Variants in LRMDA observed in about 807,000 individuals in gnomAD.
The protein encoded by LRMDA is leucine rich melanocyte differentiation associated, also known as leucine-rich melanocyte differentiation-associated protein.
A neutral mutation model predicts 29.8 loss-of-function variants in LRMDA; 18 were observed. The observed-to-expected ratio is 0.60, with a 90% confidence interval of 0.42 to 0.90. The LOEUF (loss-of-function observed/expected upper bound fraction) is 0.90, where lower values mean the gene tolerates loss of function less well. LRMDA is among the 40% of genes least tolerant of loss of function. LRMDA has a pLI of 0.00. For synonymous variants in LRMDA, 125 were observed against 109.4 expected (o/e 1.14, Z -0.89); for missense variants, 273 against 273.9 (o/e 1.00, Z 0.02).
intron 2 of LRMDA, among the ~76,000 whole-genome samples, chr10:75,555,373 A>G (rs927191983): frequency 6.6e-6 from 1 of 152,158 alleles, no homozygotes; most frequent in African/African-American, 2.4e-5. Context: ...TTGGATAACC[A>G]GAGACTAGAG....
intron 5 of LRMDA, among the ~76,000 whole-genome samples, chr10:76,120,831 T>C (rs1032549909): frequency 6.9e-6 from 1 of 145,580 alleles, no homozygotes; most frequent in East Asian, 2.0e-4. Flanking sequence ...GATTGTTCTT[T>C]TTTTTTTTTT....
chr10:75,927,441 C>A (rs565712084), intron 2 of LRMDA, among the ~76,000 whole-genome samples: 32 of 152,274 alleles, frequency 2.1e-4, no homozygotes, highest in Admixed American at 4.6e-4. Flanking sequence ...CAAGACTCTT[C>A]CCTCTTCCTC....
intron 5 of LRMDA, among the ~76,000 whole-genome samples, chr10:76,141,525 A>C (rs568021582): frequency 6.6e-6 from 1 of 152,250 alleles, no homozygotes; most frequent in African/African-American, 2.4e-5. Context: ...TTGTACACCT[A>C]AGTAGGTTAA....
At chr10:75,739,061 G>T (rs1039367819) in intron 2 of LRMDA, among the ~76,000 whole-genome samples, 1 of 152,172 alleles carries the variant, frequency 6.6e-6, no homozygotes, top group African/African-American at 2.4e-5. Flanking sequence ...TGGGCTGTGT[G>T]GCCGCTGCGA....
intron 2 of LRMDA, among the ~76,000 whole-genome samples, chr10:75,746,639 T>A (rs147131614): frequency 4.8e-4 from 73 of 152,328 alleles, no homozygotes; most frequent in Non-Finnish European, 8.2e-4. Context: ...CCACTGTGAA[T>A]ACATTTTATT....
intron 6 of LRMDA, among the ~76,000 whole-genome samples, chr10:76,371,029 A>C (rs144993347): frequency 2.2e-3 from 330 of 152,350 alleles, no homozygotes; most frequent in African/African-American, 7.7e-3. Flanking sequence ...AGCTGAAGCC[A>C]CAATTAATAG....
chr10:76,490,090 T>C (rs1254891389), intron 6 of LRMDA, among the ~76,000 whole-genome samples: 1 of 152,040 alleles, frequency 6.6e-6, no homozygotes, highest in Non-Finnish European at 1.5e-5. Context: ...ATTTCCAGTG[T>C]TTATATAGTT....
chr10:75,717,777 C>G (rs576683225), intron 2 of LRMDA, among the ~76,000 whole-genome samples: 1 of 152,298 alleles, frequency 6.6e-6, no homozygotes, highest in South Asian at 2.1e-4. Context: ...AATTGGGCCC[C>G]TGCTAACAAG....
At chr10:75,765,587 A>ATT (rs59724081) in intron 2 of LRMDA, among the ~76,000 whole-genome samples, 47 of 149,006 alleles carry the variant, frequency 3.2e-4, no homozygotes, top group African/African-American at 1.1e-3. Context: ...GGTGTGCTCC[A>ATT]TTTTTTTTTT....
intron 2 of LRMDA, among the ~76,000 whole-genome samples, chr10:75,891,603 G>A (rs1164846913): frequency 6.6e-6 from 1 of 152,168 alleles, no homozygotes; most frequent in Non-Finnish European, 1.5e-5. Flanking sequence ...GGGTTTTATT[G>A]TATATTAGAG....
chr10:76,453,692 A>C (rs1564545962), intron 6 of LRMDA, among the ~76,000 whole-genome samples: 1 of 152,188 alleles, frequency 6.6e-6, no homozygotes, highest in Non-Finnish European at 1.5e-5. Context: ...ACACTAAAAA[A>C]TTTATGTTTT....
intron 2 of LRMDA, among the ~76,000 whole-genome samples, chr10:75,773,108 G>T (rs1843266296): frequency 3.3e-5 from 5 of 152,168 alleles, no homozygotes; most frequent in Admixed American, 3.3e-4. Context: ...GTAGAAAATT[G>T]TTTGTTATGG....
chr10:76,448,478 C>T (rs757699981), intron 6 of LRMDA, among the ~76,000 whole-genome samples: 1 of 152,094 alleles, frequency 6.6e-6, no homozygotes, highest in Non-Finnish European at 1.5e-5. Flanking sequence ...TTCCAATTTA[C>T]ATTCCAATGG....
intron 5 of LRMDA, among the ~76,000 whole-genome samples, chr10:76,152,598 C>T (rs536895451): frequency 1.1e-4 from 17 of 152,194 alleles, no homozygotes; most frequent in Non-Finnish European, 2.2e-4. Context: ...TTTTGGGGAA[C>T]CACCCAGCTG....
intron 6 of LRMDA, among the ~76,000 whole-genome samples, chr10:76,526,068 T>A (rs1843171171): frequency 1.7e-5 from 1 of 58,210 alleles, no homozygotes. Context: ...AAGCAATCTT[T>A]GACTGTACAA....
intron 2 of LRMDA, among the ~76,000 whole-genome samples, chr10:75,988,247 A>G (rs867932586): frequency 6.6e-6 from 1 of 152,226 alleles, no homozygotes; most frequent in African/African-American, 2.4e-5. Flanking sequence ...CTGGGCAGCT[A>G]TACTGATGGC....
At chr10:76,127,824 C>G (rs1203565123) in intron 5 of LRMDA, among the ~76,000 whole-genome samples, 1 of 152,028 alleles carries the variant, frequency 6.6e-6, no homozygotes, top group African/African-American at 2.4e-5. Flanking sequence ...ACAAAGTAGT[C>G]CATGCTAAGC....
intron 5 of LRMDA, among the ~76,000 whole-genome samples, chr10:76,109,063 C>G (rs570206832): frequency 2.1e-3 from 312 of 152,174 alleles, no homozygotes; most frequent in Non-Finnish European, 4.0e-3. Context: ...ACAGTCATAT[C>G]TCAACTTGGT....
At chr10:76,422,359 A>G (rs911716088) in intron 6 of LRMDA, among the ~76,000 whole-genome samples, 7 of 151,520 alleles carry the variant, frequency 4.6e-5, no homozygotes, top group African/African-American at 1.7e-4. Flanking sequence ...ACACATATTT[A>G]GCTCAGCATT....
Sources: allele counts gnomAD v4.1 joint callset (sites outside exome capture counted in the v4.1 genomes callset), GRCh38; gene constraint gnomAD v4.1.1; transcripts MANE v1.5; gene names NCBI Gene and HGNC (gene_info 2026-07-23, HGNC 2026-07-21).